Variants in GALNTL6 observed in about 807,000 individuals in gnomAD.
GALNTL6 encodes polypeptide N-acetylgalactosaminyltransferase-like 6.
A neutral mutation model predicts 73.7 loss-of-function variants in GALNTL6; 46 were observed. The ratio of observed to expected loss-of-function variants is 0.62; its 90% CI spans 0.49 to 0.80. The LOEUF (loss-of-function observed/expected upper bound fraction) is 0.80, where lower values mean the gene tolerates loss of function less well. Among genes scored for constraint, GALNTL6 ranks in the 30% least tolerant of loss-of-function variants. The pLI, the probability that GALNTL6 is intolerant of heterozygous loss-of-function variation, is 0.00. For missense variants in GALNTL6, 604 were observed against 755.0 expected (o/e 0.80, Z 2.34); for synonymous variants, 259 against 263.7 (o/e 0.98, Z 0.17).
intron 2 of GALNTL6, among the ~76,000 whole-genome samples, chr4:172,054,957 C>CT (rs1443838119): frequency 6.6e-6 from 1 of 152,078 alleles, no homozygotes; most frequent in Non-Finnish European, 1.5e-5. Context: ...CTTTGACTGT[C>CT]TCAATGTGGC....
chr4:172,231,599 C>T (rs1035676799), intron 3 of GALNTL6, among the ~76,000 whole-genome samples: 2 of 152,072 alleles, frequency 1.3e-5, no homozygotes, highest in Non-Finnish European at 2.9e-5. Flanking sequence ...GGTTCAAATC[C>T]TAGCATTTCC....
intron 2 of GALNTL6, among the ~76,000 whole-genome samples, chr4:172,134,251 G>A (rs907312469): frequency 3.3e-5 from 5 of 152,084 alleles, no homozygotes; most frequent in Non-Finnish European, 7.4e-5. Context: ...TGGGCATGGT[G>A]GCGGGCGCCT....
intron 8 of GALNTL6, among the ~76,000 whole-genome samples, chr4:172,884,375 T>C (rs1745610006): frequency 6.6e-6 from 1 of 152,220 alleles, no homozygotes. Context: ...TAACTAAAGA[T>C]GTTCAACATT....
At chr4:172,554,689 C>G (rs1314461069) in intron 5 of GALNTL6, among the ~76,000 whole-genome samples, 1 of 152,122 alleles carries the variant, frequency 6.6e-6, no homozygotes, top group Non-Finnish European at 1.5e-5. Context: ...TTTATTGCAT[C>G]TTTTCCTCAA....
At chr4:171,970,139 G>A (rs1739521310) in intron 2 of GALNTL6, among the ~76,000 whole-genome samples, 1 of 152,098 alleles carries the variant, frequency 6.6e-6, no homozygotes, top group Non-Finnish European at 1.5e-5. Context: ...TTGAAGAGAG[G>A]ATTTTTGGTT....
intron 2 of GALNTL6, among the ~76,000 whole-genome samples, chr4:171,836,783 A>C (rs2110835056): frequency 6.6e-6 from 1 of 152,212 alleles, no homozygotes; most frequent in African/African-American, 2.4e-5. Context: ...GCTATGATGG[A>C]AGATGGTTTA....
chr4:171,937,489 T>C (rs1288503799), intron 2 of GALNTL6, among the ~76,000 whole-genome samples: 2 of 152,184 alleles, frequency 1.3e-5, no homozygotes, highest in Non-Finnish European at 2.9e-5. Context: ...AGTTTGTTTT[T>C]TGTATGCACA....
intron 3 of GALNTL6, among the ~76,000 whole-genome samples, chr4:172,270,804 A>G (rs1003427959): frequency 6.6e-6 from 1 of 151,992 alleles, no homozygotes; most frequent in Non-Finnish European, 1.5e-5. Context: ...ATAGATATAT[A>G]AAGGTATTGT....
chr4:172,541,818 T>A lies in GALNTL6; in HGVS notation c.553+193129T>A, dbSNP rs149092205. On this transcript the variant is annotated intron_variant, in intron 5 of 12. Transcript: ENST00000506823. ...AGTTGAATGCTCCTTGAAGGTCATA[T>A]ACCTGTTAAACTCCACCATTTTGCC... is the stretch of plus-strand genomic sequence containing the variant. Among the ~76,000 whole-genome samples, 4 of 152,234 alleles carry A rather than the reference T, an allele frequency of 2.6e-5. No individual in the cohort carries two copies. The East Asian group carries it at 7.8e-4, about 30-fold the overall frequency.
At chr4:172,134,464 C>T in intron 2 of GALNTL6, among the ~76,000 whole-genome samples, 1 of 151,316 alleles carries the variant, frequency 6.6e-6, no homozygotes, top group Non-Finnish European at 1.5e-5. Flanking sequence ...TAATGACCTA[C>T]TGGATAAAGA....
intron 2 of GALNTL6, among the ~76,000 whole-genome samples, chr4:172,089,259 G>A (rs916516025): frequency 5.9e-5 from 9 of 152,276 alleles, no homozygotes; most frequent in African/African-American, 1.9e-4. Flanking sequence ...AATGTCTGGA[G>A]TCATCTATAA....
At chr4:172,436,323 A>G (rs1439908071) in intron 5 of GALNTL6, among the ~76,000 whole-genome samples, 1 of 152,094 alleles carries the variant, frequency 6.6e-6, no homozygotes, top group Non-Finnish European at 1.5e-5. Context: ...CTCATAAGAT[A>G]TGAGATAAAA....
At chr4:172,593,433 A>T (rs890082438) in intron 5 of GALNTL6, among the ~76,000 whole-genome samples, 1 of 152,204 alleles carries the variant, frequency 6.6e-6, no homozygotes, top group Non-Finnish European at 1.5e-5. Context: ...ATGGCATAGA[A>T]TATACAATGG....
At chr4:172,949,013 CTA>C in intron 9 of GALNTL6, among the ~76,000 whole-genome samples, 1 of 152,254 alleles carries the variant, frequency 6.6e-6, no homozygotes, top group Non-Finnish European at 1.5e-5. Flanking sequence ...GTTAGTTCCT[CTA>C]TGAGTTTTGC....
chr4:171,834,900 G>C (rs1324743653), intron 2 of GALNTL6, among the ~76,000 whole-genome samples: 2 of 151,950 alleles, frequency 1.3e-5, no homozygotes, highest in Admixed American at 1.3e-4. Flanking sequence ...TGTGGAAATG[G>C]AGTTATTGTA....
chr4:172,811,894 A>G (rs1471525410), intron 6 of GALNTL6, among the ~76,000 whole-genome samples: 1 of 152,208 alleles, frequency 6.6e-6, no homozygotes, highest in African/African-American at 2.4e-5. Flanking sequence ...CTGAAGACAG[A>G]AATTTTTGTG....
chr4:172,190,330 T>C (rs1735537362), intron 2 of GALNTL6, among the ~76,000 whole-genome samples: 2 of 152,174 alleles, frequency 1.3e-5, no homozygotes, highest in African/African-American at 4.8e-5. Flanking sequence ...GTGCTGAAGA[T>C]TGAATGGCAA....
intron 3 of GALNTL6, among the ~76,000 whole-genome samples, chr4:172,254,677 G>A (rs950304433): frequency 4.0e-5 from 6 of 151,734 alleles, no homozygotes; most frequent in Non-Finnish European, 7.4e-5. Flanking sequence ...CAGCCAATTT[G>A]TTCTACAAGC....
intron 2 of GALNTL6, among the ~76,000 whole-genome samples, chr4:172,001,732 G>A (rs74834395): frequency 0.014 from 2,154 of 152,126 alleles, 20 homozygotes; most frequent in Non-Finnish European, 0.023. Flanking sequence ...CTCTCTAGGG[G>A]TTCTTCTTAC....
Sources: gnomAD v4.1 joint callset for allele counts (sites outside exome capture counted in the v4.1 genomes callset) on GRCh38, gnomAD v4.1.1 for gene constraint, MANE v1.5 for transcripts, NCBI Gene and HGNC (gene_info 2026-07-23, HGNC 2026-07-21) for gene names.